Variants in GPC5 observed in about 807,000 individuals in gnomAD.
GPC5 encodes glypican-5.
GPC5 carries 47 observed loss-of-function variants against 53.9 expected under a neutral mutation model. The observed-to-expected ratio is 0.87, with a 90% CI of 0.69 to 1.11. GPC5 has a LOEUF of 1.11. Among genes scored for constraint, GPC5 ranks in the 50% most tolerant of loss-of-function variants. GPC5 has a pLI of 0.00. For missense variants in GPC5, 748 were observed against 713.1 expected (o/e 1.05, Z -0.56); for synonymous variants, 286 against 263.3 (o/e 1.09, Z -0.84).
At chr13:91,843,510 G>C (rs1184325157) in intron 5 of GPC5, among the ~76,000 whole-genome samples, 1 of 152,136 alleles carries the variant, frequency 6.6e-6, no homozygotes, top group African/African-American at 2.4e-5. Context: ...CTGGGGTCTT[G>C]GGAAGCTTGG....
At chr13:91,623,443 A>C (rs550232278) in intron 2 of GPC5, among the ~76,000 whole-genome samples, 2 of 152,074 alleles carry the variant, frequency 1.3e-5, no homozygotes, top group Non-Finnish European at 2.9e-5. Flanking sequence ...CCTGGGGGAG[A>C]GGAGGATTCT....
At chr13:91,885,796 T>C (rs538247766) in intron 5 of GPC5, among the ~76,000 whole-genome samples, 2 of 152,298 alleles carry the variant, frequency 1.3e-5, no homozygotes, top group South Asian at 4.1e-4. Flanking sequence ...GTAGCCTTCA[T>C]CTCCTATTTC....
chr13:92,303,878 G>A (rs373234394), intron 7 of GPC5, among the ~76,000 whole-genome samples: 41 of 152,146 alleles, frequency 2.7e-4, no homozygotes, highest in East Asian at 1.2e-3. Context: ...AGGTTTTCCA[G>A]CATAAGTTTA....
intron 7 of GPC5, among the ~76,000 whole-genome samples, chr13:92,569,699 T>G (rs1486108527): frequency 6.6e-6 from 1 of 152,180 alleles, no homozygotes; most frequent in Admixed American, 6.6e-5. Context: ...GCAAGTCTAG[T>G]GCACCAGGAT....
At chr13:92,406,611 C>G (rs1171344992) in intron 7 of GPC5, among the ~76,000 whole-genome samples, 1 of 151,998 alleles carries the variant, frequency 6.6e-6, no homozygotes, top group Non-Finnish European at 1.5e-5. Flanking sequence ...CATAGAGGCC[C>G]CCTCACAGCA....
chr13:92,711,161 A>G (rs968898635), intron 7 of GPC5, among the ~76,000 whole-genome samples: 6 of 152,218 alleles, frequency 3.9e-5, no homozygotes, highest in African/African-American at 1.4e-4. Context: ...AAAAAGACAT[A>G]GGTCAAATCA....
chr13:91,706,139 A>G (rs1277631751), intron 3 of GPC5, among the ~76,000 whole-genome samples: 1 of 151,446 alleles, frequency 6.6e-6, no homozygotes, highest in Non-Finnish European at 1.5e-5. Flanking sequence ...TTGGCCTCCC[A>G]AAGTGTTGGG....
chr13:92,279,036 A>T (rs190407227), intron 7 of GPC5, among the ~76,000 whole-genome samples: 4 of 152,128 alleles, frequency 2.6e-5, no homozygotes, highest in Non-Finnish European at 5.9e-5. Flanking sequence ...GAATTTGAAA[A>T]TCAGATTTCC....
intron 2 of GPC5, among the ~76,000 whole-genome samples, chr13:91,495,608 A>G (rs936723187): frequency 4.0e-5 from 6 of 151,628 alleles, no homozygotes; most frequent in Non-Finnish European, 8.8e-5. Context: ...TGCCTAGAAT[A>G]CTCCCCACTC....
At chr13:92,033,051 G>GTGTGTGTT (rs1316600861) in intron 6 of GPC5, among the ~76,000 whole-genome samples, 6 of 151,448 alleles carry the variant, frequency 4.0e-5, no homozygotes, top group Admixed American at 1.3e-4. Flanking sequence ...GTGTGTGTGT[G>GTGTGTGTT]TGTGTGTGTG....
chr13:91,739,332 C>G (rs2036879940), intron 4 of GPC5, among the ~76,000 whole-genome samples: 2 of 151,332 alleles, frequency 1.3e-5, no homozygotes, highest in Admixed American at 6.6e-5. Context: ...CATAGCTGCT[C>G]TAGTCCCTGG....
At chr13:91,796,515 G>A (rs908475547) in intron 5 of GPC5, among the ~76,000 whole-genome samples, 1 of 152,178 alleles carries the variant, frequency 6.6e-6, no homozygotes, top group African/African-American at 2.4e-5. Context: ...GCCACTGCTG[G>A]CTCCCTCCCC....
intron 7 of GPC5, chr13:92,447,668 A>G (rs1449166668): frequency 6.6e-6 from 1 of 152,156 alleles, no homozygotes; most frequent in African/African-American, 2.4e-5. Context: ...GACATGGACA[A>G]GTAATTCCAC....
chr13:92,524,168 T>C (rs1881183241), intron 7 of GPC5, among the ~76,000 whole-genome samples: 1 of 152,118 alleles, frequency 6.6e-6, no homozygotes, highest in African/African-American at 2.4e-5. Flanking sequence ...TGCTAGTATT[T>C]TTCCCATAGC....
chr13:92,204,497 C>A (rs185225291), intron 7 of GPC5, among the ~76,000 whole-genome samples: 5 of 152,278 alleles, frequency 3.3e-5, no homozygotes, highest in Admixed American at 1.3e-4. Flanking sequence ...AAACCAACAG[C>A]AAGGAATCAG....
chr13:92,594,984 A>T (rs532814919), intron 7 of GPC5, among the ~76,000 whole-genome samples: 34 of 152,352 alleles, frequency 2.2e-4, no homozygotes, highest in African/African-American at 8.2e-4. Context: ...TGTGGTGAGT[A>T]TAAGACCTGG....
intron 5 of GPC5, among the ~76,000 whole-genome samples, chr13:91,901,483 C>T (rs2039496755): frequency 6.6e-6 from 1 of 151,948 alleles, no homozygotes; most frequent in Non-Finnish European, 1.5e-5. Flanking sequence ...TCTGAGATTT[C>T]AAAGATTAGG....
At chr13:91,759,914 A>G (rs1211197458) in intron 5 of GPC5, among the ~76,000 whole-genome samples, 3 of 152,136 alleles carry the variant, frequency 2.0e-5, no homozygotes, top group Admixed American at 2.0e-4. Flanking sequence ...AAAATAAAAT[A>G]GATATTAATA....
intron 2 of GPC5, among the ~76,000 whole-genome samples, chr13:91,544,411 C>G (rs2030155275): frequency 6.6e-6 from 1 of 152,132 alleles, no homozygotes. Flanking sequence ...GGCAGTTTGA[C>G]TTTTGCTTTG....
Sources: allele counts gnomAD v4.1 joint callset (sites outside exome capture counted in the v4.1 genomes callset), GRCh38; gene constraint gnomAD v4.1.1; transcripts MANE v1.5; gene names NCBI Gene and HGNC (gene_info 2026-07-23, HGNC 2026-07-21).